Variants in CSMD1 observed in about 807,000 individuals in gnomAD.
CSMD1 encodes CUB and sushi domain-containing protein 1.
CSMD1 carries 213 observed loss-of-function variants against 417.5 expected under a neutral mutation model. The observed-to-expected ratio is 0.51, with a 90% CI of 0.46 to 0.57. CSMD1 has a LOEUF of 0.57. CSMD1 is among the 20% of genes least tolerant of loss of function. The pLI is 0.00. For missense variants in CSMD1, 6,923 were observed against 4,529.7 expected (o/e 1.53, Z -15.17); for synonymous variants, 2,862 against 1,736.8 (o/e 1.65, Z -16.11).
chr8:3,507,042 C>G (rs1473566784), intron 10 of CSMD1, among the ~76,000 whole-genome samples: 1 of 151,946 alleles, frequency 6.6e-6, no homozygotes, highest in African/African-American at 2.4e-5. Context: ...ACGTATATAC[C>G]AAGTGCCTAA....
chr8:4,717,366 CAT>C (rs1194165391), intron 1 of CSMD1, among the ~76,000 whole-genome samples: 1 of 142,902 alleles, frequency 7.0e-6, no homozygotes, highest in African/African-American at 2.9e-5. Flanking sequence ...TATATACACA[CAT>C]ATATATACAC....
intron 2 of CSMD1, among the ~76,000 whole-genome samples, chr8:4,466,428 T>G (rs1345932229): frequency 9.6e-6 from 1 of 103,790 alleles, no homozygotes; most frequent in South Asian, 4.5e-4. Flanking sequence ...ACTTTGATAT[T>G]GTCTTCAAAT....
At chr8:4,605,056 A>G (rs1200872174) in intron 2 of CSMD1, among the ~76,000 whole-genome samples, 1 of 152,186 alleles carries the variant, frequency 6.6e-6, no homozygotes, top group South Asian at 2.1e-4. Flanking sequence ...CCAAAGTCCT[A>G]TCTAACTCCT....
intron 1 of CSMD1, among the ~76,000 whole-genome samples, chr8:4,908,184 C>T (rs951900219): frequency 3.3e-5 from 5 of 152,180 alleles, no homozygotes; most frequent in East Asian, 1.9e-4. Flanking sequence ...TATTTTGCTC[C>T]ATTCTCTTCT....
At chr8:3,390,570 G>C (rs575762979) in intron 17 of CSMD1, among the ~76,000 whole-genome samples, 78 of 151,914 alleles carry the variant, frequency 5.1e-4, no homozygotes, top group African/African-American at 1.8e-3. Flanking sequence ...TTGAAACGAC[G>C]TGTATATTCA....
intron 10 of CSMD1, among the ~76,000 whole-genome samples, chr8:3,546,318 G>C (rs1386174358): frequency 6.6e-6 from 1 of 151,942 alleles, no homozygotes; most frequent in African/African-American, 2.4e-5. Context: ...GGGGGATCAT[G>C]AGGTCAGGAG....
At chr8:4,908,534 T>C (rs1383286569) in intron 1 of CSMD1, among the ~76,000 whole-genome samples, 1 of 86,302 alleles carries the variant, frequency 1.2e-5, no homozygotes, top group Admixed American at 1.7e-4. Flanking sequence ...TTCTCTTCTG[T>C]TTTTTTTCTT....
At chr8:4,436,966 C>T (rs989973829) in intron 2 of CSMD1, among the ~76,000 whole-genome samples, 33 of 152,136 alleles carry the variant, frequency 2.2e-4, no homozygotes, top group African/African-American at 7.5e-4. Flanking sequence ...GTGTACAGTG[C>T]TGCAATTTGA....
intron 3 of CSMD1, among the ~76,000 whole-genome samples, chr8:4,324,589 A>G (rs892468165): frequency 5.9e-5 from 9 of 152,222 alleles, no homozygotes; most frequent in Non-Finnish European, 1.3e-4. Context: ...TAAACCTACT[A>G]GGAACAAGAC....
intron 49 of CSMD1, among the ~76,000 whole-genome samples, chr8:3,065,846 G>GC (rs1289778813): frequency 3.3e-5 from 5 of 152,118 alleles, no homozygotes; most frequent in African/African-American, 1.2e-4. Flanking sequence ...GTGATAAAAG[G>GC]CAAGTAGCAG....
chr8:3,141,935 C>A (rs952693299), intron 41 of CSMD1, among the ~76,000 whole-genome samples: 5 of 151,696 alleles, frequency 3.3e-5, no homozygotes, highest in African/African-American at 9.7e-5. Flanking sequence ...GTAGCTGGGA[C>A]TACAGGCGCC....
At chr8:3,117,227 C>T (rs572066525) in intron 42 of CSMD1, among the ~76,000 whole-genome samples, 4 of 152,056 alleles carry the variant, frequency 2.6e-5, no homozygotes, top group South Asian at 2.1e-4. Flanking sequence ...CCCACCACCA[C>T]GCCCAGCTAA....
intron 1 of CSMD1, among the ~76,000 whole-genome samples, chr8:4,975,674 G>T (rs535134823): frequency 6.6e-6 from 1 of 152,276 alleles, no homozygotes; most frequent in South Asian, 2.1e-4. Context: ...GGTAATTCAA[G>T]AAGTAGGCAA....
intron 3 of CSMD1, among the ~76,000 whole-genome samples, chr8:4,071,249 A>C (rs1384666127): frequency 1.3e-5 from 2 of 152,074 alleles, no homozygotes; most frequent in Non-Finnish European, 2.9e-5. Flanking sequence ...TATTGTCCCA[A>C]AGAAGCCTGA....
intron 3 of CSMD1, among the ~76,000 whole-genome samples, chr8:4,375,326 C>G (rs1802663017): frequency 6.6e-6 from 1 of 152,126 alleles, no homozygotes; most frequent in African/African-American, 2.4e-5. Context: ...TCTTCCTGGT[C>G]TGTCAGGAGG....
intron 3 of CSMD1, among the ~76,000 whole-genome samples, chr8:4,299,269 G>T (rs572776268): frequency 2.0e-5 from 3 of 152,294 alleles, no homozygotes; most frequent in Non-Finnish European, 2.9e-5. Context: ...AAAACCGTCG[G>T]ATAAGATAAA....
At chr8:3,349,294 C>G (rs772443840) in intron 21 of CSMD1, among the ~76,000 whole-genome samples, 2 of 152,162 alleles carry the variant, frequency 1.3e-5, no homozygotes, top group Non-Finnish European at 2.9e-5. Flanking sequence ...CCCTCCTTCC[C>G]TCTTTGACAA....
chr8:3,759,334 G>A (rs1482514560), intron 5 of CSMD1, among the ~76,000 whole-genome samples: 1 of 152,070 alleles, frequency 6.6e-6, no homozygotes, highest in Non-Finnish European at 1.5e-5. Flanking sequence ...ACAAAATATG[G>A]TACAATGTGA....
At chr8:3,139,497 G>C (rs1818304979) in intron 41 of CSMD1, among the ~76,000 whole-genome samples, 1 of 152,094 alleles carries the variant, frequency 6.6e-6, no homozygotes, top group Non-Finnish European at 1.5e-5. Flanking sequence ...CAGGGCTAGT[G>C]ACATTAACAT....
Sources: allele counts gnomAD v4.1 joint callset (sites outside exome capture counted in the v4.1 genomes callset), GRCh38; gene constraint gnomAD v4.1.1; transcripts MANE v1.5; gene names NCBI Gene and HGNC (gene_info 2026-07-23, HGNC 2026-07-21).